The following HYDIN variants were observed in gnomAD, a reference collection of about 807,000 sequenced individuals.
HYDIN encodes the protein HYDIN axonemal central pair apparatus protein.
A neutral mutation model predicts 403.9 loss-of-function variants in HYDIN; 132 were observed. The ratio of observed to expected loss-of-function variants is 0.33; its 90% CI spans 0.28 to 0.38. HYDIN has a LOEUF of 0.38. Among genes scored for constraint, HYDIN ranks in the 10% least tolerant of loss-of-function variants. The pLI is 1.00. For synonymous variants in HYDIN, 1,202 were observed against 1,891.7 expected (o/e 0.64, Z 9.46); for missense variants, 2,827 against 5,009.5 (o/e 0.56, Z 13.15).
chr16:70,913,066 C>G (rs1567817875), intron 47 of HYDIN, among the ~76,000 whole-genome samples: 2 of 151,970 alleles, frequency 1.3e-5, no homozygotes, highest in Admixed American at 6.5e-5. Flanking sequence ...TTTTATTTAT[C>G]TCTTCAAAGA....
intron 31 of HYDIN, among the ~76,000 whole-genome samples, chr16:70,974,920 T>C (rs550570280): frequency 6.6e-6 from 1 of 152,350 alleles, no homozygotes; most frequent in African/African-American, 2.4e-5. Flanking sequence ...GTGAAGCCTG[T>C]CCATTAGACA....
At position 70,802,171 on chromosome 16, in the gene HYDIN, C is replaced by T. The variant is rs1339888353; in HGVS notation, c.*5409G>A. On this transcript the variant is annotated 3_prime_UTR_variant, in exon 86 of 86. Coordinates refer to ENST00000393567, the MANE Select transcript of HYDIN (RefSeq NM_001270974.2). ...AATGGAGTATTTTCCTCAACAGAAA[C>T]AGGGACGCAATGAGTAAAGGGCAAA... is the stretch of plus-strand genomic sequence containing the variant. 1 of 152,156 alleles carries T rather than the reference C, an allele frequency of 6.6e-6. No individual in the cohort carries two copies. The highest frequency in any genetic ancestry group is 2.4e-5 in the African/African-American group (1 of 41,422). 9.4% of individuals were successfully genotyped at this position (152,156 alleles called of 1,614,324 possible). A position where few individuals can be genotyped will look rare whatever the true frequency, so the allele number is the denominator to read the frequency against.
chr16:71,186,689 C>T (rs904906776), intron 2 of HYDIN, 72 bp downstream of exon 2: 5 of 1,219,744 alleles, frequency 4.1e-6, no homozygotes, highest in Admixed American at 2.1e-5. Context: ...TCTGAGAATG[C>T]CAAGTAGCAA....
intron 45 of HYDIN, among the ~76,000 whole-genome samples, chr16:70,921,584 C>G (rs1429394750): frequency 6.6e-6 from 1 of 152,148 alleles, no homozygotes; most frequent in African/African-American, 2.4e-5. Context: ...TAGGCCACAG[C>G]GTGTAGTGGT....
At chr16:71,206,931 G>A (rs2088328301) in intron 1 of HYDIN, among the ~76,000 whole-genome samples, 2 of 152,116 alleles carry the variant, frequency 1.3e-5, no homozygotes, top group South Asian at 2.1e-4. Context: ...ATTATGAAAA[G>A]AGACCAAATC....
At chr16:71,005,578 G>A (rs1343275327) in intron 23 of HYDIN, among the ~76,000 whole-genome samples, 3 of 152,172 alleles carry the variant, frequency 2.0e-5, no homozygotes, top group East Asian at 3.9e-4. Flanking sequence ...ATTTTGTTAC[G>A]GCAGCCTGAG....
intron 1 of HYDIN, among the ~76,000 whole-genome samples, chr16:71,199,087 G>A (rs940017546): frequency 6.6e-6 from 1 of 152,122 alleles, no homozygotes; most frequent in Non-Finnish European, 1.5e-5. Flanking sequence ...TAATGAGACG[G>A]CGTATCTTTT....
At chr16:71,068,184 T>A (rs1246104889) in intron 14 of HYDIN, among the ~76,000 whole-genome samples, 1 of 149,658 alleles carries the variant, frequency 6.7e-6, no homozygotes, top group Non-Finnish European at 1.5e-5. Context: ...TTGTTATGAT[T>A]TTTAATTGCT....
intron 44 of HYDIN, among the ~76,000 whole-genome samples, chr16:70,938,150 C>G (rs2077552619): frequency 6.6e-6 from 1 of 152,256 alleles, no homozygotes; most frequent in Admixed American, 6.5e-5. Context: ...GAAGGGGACC[C>G]AGGCAGGGGG....
At chr16:71,219,164 A>C (rs2089053875) in intron 1 of HYDIN, among the ~76,000 whole-genome samples, 1 of 152,234 alleles carries the variant, frequency 6.6e-6, no homozygotes, top group Non-Finnish European at 1.5e-5. Context: ...ACATAGAATT[A>C]GGCAAAGTTG....
At chr16:71,067,084 A>C (rs2082296735) in intron 15 of HYDIN, 1 of 606,788 alleles carries the variant, frequency 1.6e-6, no homozygotes, top group African/African-American at 1.9e-5. Context: ...ACTCTACAAA[A>C]CACACACACT....
chr16:70,842,632 T>C lies in HYDIN; in HGVS notation c.12874-2399A>G, dbSNP rs1411486282. ...TGTCTTTGAATCCAAAGTGAGTCTC[T>C]TGTAGACAGCACATAGTTGGATCAT... On this transcript the variant is annotated intron_variant, in intron 75 of 85. Coordinates refer to ENST00000393567, the MANE Select transcript of HYDIN (RefSeq NM_001270974.2). 5.3e-5 allele frequency among the ~76,000 whole-genome samples: 8 copies of C among 151,984 alleles called. No homozygotes were observed. The East Asian group carries it at 5.8e-4, about 11-fold the overall frequency.
At chr16:71,065,360 T>C (rs1343012560) in intron 15 of HYDIN, among the ~76,000 whole-genome samples, 50 of 149,186 alleles carry the variant, frequency 3.4e-4, no homozygotes, top group African/African-American at 1.2e-3. Context: ...GAACTGGCAC[T>C]GTGACGGGGT....
intron 10 of HYDIN, among the ~76,000 whole-genome samples, chr16:71,107,184 A>C (rs1485543457): frequency 6.6e-6 from 1 of 151,674 alleles, no homozygotes. Context: ...GCATTAGGAG[A>C]TATACCTAAT....
intron 23 of HYDIN, among the ~76,000 whole-genome samples, chr16:71,004,623 T>A (rs2079836800): frequency 6.6e-6 from 1 of 152,126 alleles, no homozygotes; most frequent in Non-Finnish European, 1.5e-5. Context: ...TTGTTAATAT[T>A]TTGGTGAATG....
At chr16:71,214,136 T>TA (rs891185515) in intron 1 of HYDIN, among the ~76,000 whole-genome samples, 3 of 152,056 alleles carry the variant, frequency 2.0e-5, no homozygotes, top group Non-Finnish European at 4.4e-5. Context: ...AAAAAGTTTT[T>TA]AAAAAATCAA....
At chr16:70,990,852 T>G (rs1798500) in intron 25 of HYDIN, among the ~76,000 whole-genome samples, 1 of 152,010 alleles carries the variant, frequency 6.6e-6, no homozygotes, top group African/African-American at 2.4e-5. Context: ...CTACCCACAC[T>G]GTAGGAAAAT....
chr16:71,223,683 C>T (rs1354250147), intron 1 of HYDIN, among the ~76,000 whole-genome samples: 1 of 150,608 alleles, frequency 6.6e-6, no homozygotes, highest in Non-Finnish European at 1.5e-5. Context: ...CATGAAGAGA[C>T]ATTTCTCAAA....
intron 38 of HYDIN, among the ~76,000 whole-genome samples, 168 bp from the exon 39 acceptor site, chr16:70,959,988 T>C (rs894929656): frequency 2.0e-5 from 3 of 152,254 alleles, no homozygotes; most frequent in Non-Finnish European, 4.4e-5. Context: ...CTAGGCCCTT[T>C]TGGGCTAATA....
Sources: allele counts gnomAD v4.1 joint callset (sites outside exome capture counted in the v4.1 genomes callset), GRCh38; gene constraint gnomAD v4.1.1; transcripts MANE v1.5; gene names NCBI Gene and HGNC (gene_info 2026-07-23, HGNC 2026-07-21).